Variants in NEGR1 observed in about 807,000 individuals in gnomAD.
The protein encoded by NEGR1 is IgLON family member 4.
A neutral mutation model predicts 40.9 loss-of-function variants in NEGR1; 10 were observed. The observed-to-expected ratio is 0.24, with a 90% CI of 0.15 to 0.42. NEGR1 has a LOEUF of 0.42. NEGR1 is among the 10% of genes least tolerant of loss of function. The pLI, the probability that NEGR1 is intolerant of heterozygous loss-of-function variation, is 1.00. For missense variants in NEGR1, 352 were observed against 438.9 expected (o/e 0.80, Z 1.77); for synonymous variants, 185 against 166.8 (o/e 1.11, Z -0.84).
At chr1:71,431,296 A>C (rs1646466883) in intron 6 of NEGR1, among the ~76,000 whole-genome samples, 1 of 152,132 alleles carries the variant, frequency 6.6e-6, no homozygotes, top group African/African-American at 2.4e-5. Context: ...AGTTTGAATA[A>C]AGTAAAACAT....
intron 3 of NEGR1, among the ~76,000 whole-genome samples, chr1:71,723,166 T>A (rs949097157): frequency 1.3e-5 from 2 of 152,158 alleles, no homozygotes; most frequent in African/African-American, 4.8e-5. Context: ...TGATTGCTGT[T>A]GTTTTAATCT....
intron 6 of NEGR1, among the ~76,000 whole-genome samples, chr1:71,520,383 T>A (rs954762631): frequency 6.6e-6 from 1 of 152,046 alleles, no homozygotes; most frequent in East Asian, 1.9e-4. Context: ...TGGAATCAGA[T>A]GTAGTCTCAA....
At chr1:71,583,788 C>A (rs1390085307) in intron 6 of NEGR1, among the ~76,000 whole-genome samples, 2 of 152,128 alleles carry the variant, frequency 1.3e-5, no homozygotes, top group Non-Finnish European at 2.9e-5. Context: ...ACTTGGAATT[C>A]ATTCTAAGTG....
intron 2 of NEGR1, among the ~76,000 whole-genome samples, chr1:71,791,690 A>T (rs1557653734): frequency 1.3e-5 from 2 of 152,140 alleles, no homozygotes; most frequent in South Asian, 4.1e-4. Flanking sequence ...TAGTTAAGAG[A>T]GAAAATGAGA....
At chr1:71,914,398 G>A (rs1383701085) in intron 2 of NEGR1, among the ~76,000 whole-genome samples, 2 of 152,146 alleles carry the variant, frequency 1.3e-5, no homozygotes, top group South Asian at 2.1e-4. Context: ...AGAGCTAAAT[G>A]AGGTACAAAG....
intron 3 of NEGR1, among the ~76,000 whole-genome samples, chr1:71,739,209 A>C (rs557832930): frequency 4.6e-4 from 69 of 150,386 alleles, no homozygotes; most frequent in East Asian, 1.6e-3. Context: ...GAAAAAAAAA[A>C]AAAAAAAACA....
intron 2 of NEGR1, among the ~76,000 whole-genome samples, chr1:71,796,627 A>G (rs1657337848): frequency 6.6e-6 from 1 of 152,128 alleles, no homozygotes; most frequent in Non-Finnish European, 1.5e-5. Context: ...TAATTTTTCA[A>G]AGTGAATTCT....
intron 2 of NEGR1, among the ~76,000 whole-genome samples, chr1:71,909,933 G>T (rs947956736): frequency 1.3e-5 from 2 of 152,132 alleles, no homozygotes; most frequent in African/African-American, 4.8e-5. Context: ...ATAGTATAGA[G>T]ATTTACTTAA....
chr1:72,127,168 T>C (rs1488811603), intron 1 of NEGR1, among the ~76,000 whole-genome samples: 1 of 152,150 alleles, frequency 6.6e-6, no homozygotes, highest in East Asian at 1.9e-4. Flanking sequence ...AAAGTGAGAA[T>C]TGCGGCCAGG....
chr1:71,978,954 TA>T (rs1173492227), intron 1 of NEGR1, among the ~76,000 whole-genome samples: 1 of 152,012 alleles, frequency 6.6e-6, no homozygotes, highest in Non-Finnish European at 1.5e-5. Flanking sequence ...GGAATCTACC[TA>T]AATGTCCATC....
chr1:72,263,817 A>G (rs1570195543), intron 1 of NEGR1, among the ~76,000 whole-genome samples: 1 of 151,756 alleles, frequency 6.6e-6, no homozygotes, highest in South Asian at 2.1e-4. Flanking sequence ...AAAATTAAAA[A>G]TGACAATGAA....
chr1:71,908,281 G>T (rs1273091502), intron 2 of NEGR1, among the ~76,000 whole-genome samples: 1 of 151,006 alleles, frequency 6.6e-6, no homozygotes, highest in Non-Finnish European at 1.5e-5. Flanking sequence ...CAACATTTTT[G>T]AATCTTCTCC....
At chr1:71,476,119 A>C (rs760345030) in intron 6 of NEGR1, among the ~76,000 whole-genome samples, 4 of 151,980 alleles carry the variant, frequency 2.6e-5, no homozygotes, top group Non-Finnish European at 4.4e-5. Flanking sequence ...AATATGTGTC[A>C]TTTTTTAAAA....
intron 6 of NEGR1, among the ~76,000 whole-genome samples, chr1:71,538,214 C>T (rs12240058): frequency 0.045 from 6,781 of 151,680 alleles, 510 homozygotes; most frequent in African/African-American, 0.15. Context: ...CAAGAAGGAA[C>T]CATTTGTAAT....
intron 2 of NEGR1, among the ~76,000 whole-genome samples, chr1:71,860,562 T>A (rs892667503): frequency 6.6e-6 from 1 of 151,956 alleles, no homozygotes; most frequent in Admixed American, 6.6e-5. Context: ...AATCATTATA[T>A]TAGAAGTCAG....
At chr1:72,166,879 C>A (rs916046852) in intron 1 of NEGR1, among the ~76,000 whole-genome samples, 1 of 151,912 alleles carries the variant, frequency 6.6e-6, no homozygotes, top group Non-Finnish European at 1.5e-5. Flanking sequence ...TATATATACA[C>A]AATTATAATT....
At chr1:72,195,574 A>G (rs532584673) in intron 1 of NEGR1, among the ~76,000 whole-genome samples, 3 of 152,116 alleles carry the variant, frequency 2.0e-5, no homozygotes, top group East Asian at 1.9e-4. Context: ...ATTTTCATAG[A>G]CATATAAAAA....
At position 71,698,083 on chromosome 1, in the gene NEGR1, C is replaced by T; in HGVS notation, c.592G>A (p.Ala198Thr). The change falls in exon 4 of 7, where the codon GCT becomes ACT. Residue 198 changes from alanine (A) to threonine (T), a missense_variant. Physicochemically the swap from Ala to Thr is moderately conservative, Grantham distance 58 (BLOSUM62 0). Coordinates refer to ENST00000357731, the MANE Select transcript of NEGR1 (RefSeq NM_173808.3). The part of the protein sequence containing the change: ...LDIYGITRDQ[A>T]GEYECSAEND... ...TCCGCACTGCATTCATATTCCCCAG[C>T]CTGGTCCCTTGTAATTCCATAAATG... The T allele has an allele frequency of 6.2e-7, 1 of 1,611,220 alleles. No homozygotes were observed. Among genetic ancestry groups the T allele is most frequent in the Non-Finnish European group, 8.5e-7 (1 of 1,178,014 alleles).
At chr1:72,124,040 G>A (rs1211198286) in intron 1 of NEGR1, among the ~76,000 whole-genome samples, 2 of 151,974 alleles carry the variant, frequency 1.3e-5, no homozygotes, top group Admixed American at 6.6e-5. Context: ...TGTATAATCT[G>A]AGAGGTAATG....
Sources: allele counts gnomAD v4.1 joint callset (sites outside exome capture counted in the v4.1 genomes callset), GRCh38; gene constraint gnomAD v4.1.1; transcripts MANE v1.5; gene names NCBI Gene and HGNC (gene_info 2026-07-23, HGNC 2026-07-21).